ZAN: variants seen among roughly 807,000 people sequenced by gnomAD.
ZAN encodes the protein zonadhesin (gene/pseudogene).
In ZAN, 260 loss-of-function variants were observed where a neutral mutation model predicts 286.2. The observed-to-expected ratio is 0.91, with a 90% confidence interval of 0.82 to 1.01. ZAN has a LOEUF of 1.01. Among genes scored for constraint, ZAN ranks in the 50% least tolerant of loss-of-function variants. The pLI, the probability that ZAN is intolerant of heterozygous loss-of-function variation, is 0.00. For synonymous variants in ZAN, 1,368 were observed against 1,417.5 expected (o/e 0.97, Z 0.79); for missense variants, 3,410 against 3,639.2 (o/e 0.94, Z 1.62).
intron 35 of ZAN, among the ~76,000 whole-genome samples, chr7:100,780,940 A>C (rs573859951): frequency 6.6e-6 from 1 of 152,246 alleles, no homozygotes; most frequent in South Asian, 2.1e-4. Flanking sequence ...AAAAAAATTA[A>C]AAAAACAAAA....
chr7:100,757,813 G>A (rs62483595), intron 15 of ZAN, among the ~76,000 whole-genome samples: 34 of 148,666 alleles, frequency 2.3e-4, no homozygotes, highest in African/African-American at 7.2e-4. Context: ...AGTGGCTCAC[G>A]CCTGTAATAC....
rs755450631 is a variant in ZAN, at chr7:100,773,364, G to A, written c.5505G>A (p.Pro1835=). The change falls in exon 30 of 48, where the codon CCG becomes CCA. Residue 1835 remains proline (P), a synonymous_variant. Coordinates refer to ENST00000613979, the MANE Select transcript of ZAN (RefSeq NM_003386.3). The part of the protein sequence containing the change: ...CPDTCSSINN[P]RDCPKALPCA... The stretch of plus-strand genomic sequence containing the variant: ...ACACCTGCAGCAGCATAAACAACCC[G>A]AGGGACTGCCCCAAAGCACTGCCCT... 9 of 1,613,852 alleles carry A rather than the reference G, an allele frequency of 5.6e-6. No homozygotes were observed. The highest frequency in any genetic ancestry group is 2.2e-5 in the East Asian group (1 of 44,886).
chr7:100,774,917 GTTTTTTGTTTGTTTGT>G (rs1562945262), intron 31 of ZAN, among the ~76,000 whole-genome samples: 1 of 112,502 alleles, frequency 8.9e-6, no homozygotes, highest in Non-Finnish European at 1.9e-5. Flanking sequence ...TGGCCCTGGG[GTTTTTTGTTTGTTTGT>G]TTGTTTGTTT....
Position 100,739,528 on chromosome 7 carries a change from C to T in ZAN, c.766+915C>T, listed in dbSNP as rs150522801. 6.1e-3 allele frequency among the ~76,000 whole-genome samples: 836 copies of T among 136,346 alleles called. 148 individuals are homozygous for T. The highest frequency in any genetic ancestry group is 0.012 in the Non-Finnish European group (708 of 60,418). The allele number at this position is 136,346 out of a possible 152,430, so 89.4% of individuals were successfully genotyped here. On this transcript the variant is annotated intron_variant, in intron 7 of 47. Transcript: ENST00000613979. ...AAGTTTGGAGCCAAGTGCACTGGCTCACGCCTGTAATCCCAGCGCTTTGGG... is the reference window on the plus strand; with the variant it reads ...AAGTTTGGAGCCAAGTGCACTGGCTTACGCCTGTAATCCCAGCGCTTTGGG...
chr7:100,772,905 G>A (rs1810480368), intron 29 of ZAN, among the ~76,000 whole-genome samples: 1 of 134,344 alleles, frequency 7.4e-6, no homozygotes, highest in South Asian at 2.3e-4. Flanking sequence ...TGAGAGTCTC[G>A]CTGTCGCCCA....
In ZAN at chr7:100,751,741, T is replaced by C. The variant is rs750542267; in HGVS notation, c.1636T>C (p.Ser546Pro). The C allele has an allele frequency of 2.4e-5, 38 of 1,588,288 alleles. No homozygotes were observed. The highest frequency in any genetic ancestry group is 3.1e-5 in the Non-Finnish European group (36 of 1,172,994). The change falls in exon 14 of 48, where the codon TCT (serine) becomes CCT (proline). Residue 546 changes from serine (S) to proline (P), a missense_variant. Physicochemically the swap from Ser to Pro is moderately conservative, Grantham distance 74. Coordinates refer to ENST00000613979, the MANE Select transcript of ZAN (RefSeq NM_003386.3). ...VKVLPELPPV[S>P]PVSSTGPSET... ...AGTGCTACCAGAGCTTCCTCCCGTATCTCCAGTTTCTTCCACTGGCCCTTC... is the reference window on the plus strand; with the variant it reads ...AGTGCTACCAGAGCTTCCTCCCGTACCTCCAGTTTCTTCCACTGGCCCTTC...
At chr7:100,775,893 G>C in intron 33 of ZAN, 60 bp downstream of exon 33, 1 of 1,585,678 alleles carries the variant, frequency 6.3e-7, no homozygotes, top group Non-Finnish European at 8.6e-7. Context: ...TTGGTGGCCG[G>C]CAGGGATGGG....
chr7:100,776,809 T>C (rs1810848832), intron 34 of ZAN, among the ~76,000 whole-genome samples: 1 of 126,068 alleles, frequency 7.9e-6, no homozygotes, highest in Non-Finnish European at 1.6e-5. Context: ...CTCGGCTCAC[T>C]GCAAGCTCTG....
At position 100,768,717 on chromosome 7, in the gene ZAN, C is replaced by A; in HGVS notation, c.5149C>A (p.Pro1717Thr). Reference protein sequence around the residue: ...AAWKLPESSEPGCFLVGGKPS... With the variant: ...AAWKLPESSETGCFLVGGKPS... Reference sequence around the variant, plus strand: ...CTGGAAGTTACCTGAATCCTCTGAACCTGGGTGAGCTGGGGGTCAGGGGAG... The same window carrying A: ...CTGGAAGTTACCTGAATCCTCTGAAACTGGGTGAGCTGGGGGTCAGGGGAG... Residue 1717 changes from proline to threonine, a missense_variant, in exon 27 of 48, where the codon CCT (proline) becomes ACT (threonine). Coordinates refer to ENST00000613979, the MANE Select transcript of ZAN (RefSeq NM_003386.3). 1 of 1,594,602 alleles carries A rather than the reference C, an allele frequency of 6.3e-7. No individual in the cohort carries two copies. Among genetic ancestry groups the A allele is most frequent in the Non-Finnish European group, 8.5e-7 (1 of 1,170,528 alleles).
At chr7:100,788,223 C>T in intron 38 of ZAN, 87 bp downstream of exon 38, 1 of 1,405,126 alleles carries the variant, frequency 7.1e-7, no homozygotes, top group Non-Finnish European at 9.3e-7. Context: ...ATCCCTGTTC[C>T]CTGGGATGTT....
intron 45 of ZAN, among the ~76,000 whole-genome samples, chr7:100,795,639 G>A (rs1431056992): frequency 6.6e-6 from 1 of 151,816 alleles, no homozygotes; most frequent in East Asian, 1.9e-4. Context: ...GGGAATGGTG[G>A]CTCACGCCTG....
rs535881106 is a variant in ZAN at position 100,759,778 on chromosome 7, G to A, written c.3629G>A (p.Cys1210Tyr). Residue 1210 changes from cysteine to tyrosine, a missense_variant, in exon 18 of 48, where the codon TGC becomes TAC. Coordinates refer to ENST00000613979, the MANE Select transcript of ZAN (RefSeq NM_003386.3). ...GAGCAGGGACAGGAAGGCGTGTCCT[G>A]CCTGAGCAAAGTCTACGTGACCCTG... ...NEEQGQEGVSCLSKVYVTLPE... is the reference protein window; with the variant it reads ...NEEQGQEGVSYLSKVYVTLPE... 2 of 1,604,920 alleles carry A rather than the reference G, an allele frequency of 1.2e-6. No individual in the cohort carries two copies. Among genetic ancestry groups the A allele is most frequent in the South Asian group, 1.1e-5 (1 of 88,770 alleles).
intron 28 of ZAN, 55 bp from the exon 29 acceptor site, chr7:100,771,789 G>T: frequency 6.4e-7 from 1 of 1,561,622 alleles, no homozygotes; most frequent in South Asian, 1.2e-5. Context: ...AAGCCACATG[G>T]CCCTGTTCCT....
chr7:100,754,159 T>C (rs1464829220), intron 14 of ZAN, among the ~76,000 whole-genome samples: 1 of 152,036 alleles, frequency 6.6e-6, no homozygotes, highest in Non-Finnish European at 1.5e-5. Context: ...ACTTCATTCC[T>C]TTAAAAAAAG....
intron 27 of ZAN, among the ~76,000 whole-genome samples, chr7:100,769,076 T>C (rs1424830571): frequency 1.4e-5 from 2 of 147,716 alleles, no homozygotes; most frequent in Non-Finnish European, 3.0e-5. Context: ...TCTCTTTCCC[T>C]GTCCACTTTT....
Position 100,762,341 on chromosome 7 carries a change from C to G in ZAN, c.3969C>G (p.Asp1323Glu). 1.2e-6 allele frequency: 2 copies of G among 1,612,600 alleles called. No homozygotes were observed. Among genetic ancestry groups the G allele is most frequent in the Non-Finnish European group, 1.7e-6 (2 of 1,179,380 alleles). The change falls in exon 20 of 48, where the codon GAC becomes GAG. Residue 1323 changes from aspartate (D) to glutamate (E), a missense_variant. By Grantham distance (45) the Asp-to-Glu change is conservative. Coordinates refer to ENST00000613979, the MANE Select transcript of ZAN (RefSeq NM_003386.3). ...AGCTGGGGAACAGCTGGCAGACGGA[C>G]CAGGACGAGGACCAGGAGTGAGCAA... ...KEELGNSWQTDQDEDQECQKY... is the reference protein window; with the variant it reads ...KEELGNSWQTEQDEDQECQKY...
Position 100,763,939 on chromosome 7 carries a change from T to A in ZAN, c.4097+23T>A. ...TGAGTATGAAGGAGGGCAGGCAGGG[T>A]CGCACAGGGGCGATGCTTGGCACCT... On this transcript the variant is annotated intron_variant, in intron 21 of 47. Transcript: ENST00000613979. The surrounding 1 kb of genome is among the most constrained non-coding windows in gnomAD (Gnocchi z 4.6). 2 of 1,608,826 alleles carry A rather than the reference T, an allele frequency of 1.2e-6. No individual in the cohort carries two copies. The highest frequency in any genetic ancestry group is 1.7e-6 in the Non-Finnish European group (2 of 1,178,114).
intron 7 of ZAN, among the ~76,000 whole-genome samples, chr7:100,743,322 G>A (rs1247439193): frequency 3.3e-5 from 5 of 151,990 alleles, no homozygotes; most frequent in Non-Finnish European, 7.4e-5. Context: ...ATGCCTGGCT[G>A]ATATTCTTTC....
intron 11 of ZAN, among the ~76,000 whole-genome samples, chr7:100,749,651 A>AAAATAT (rs1360254873): frequency 1.8e-5 from 2 of 109,420 alleles, no homozygotes; most frequent in African/African-American, 7.2e-5. Flanking sequence ...AAAAAAAAAA[A>AAAATAT]ATATATATAT....
Sources: allele counts gnomAD v4.1 joint callset (sites outside exome capture counted in the v4.1 genomes callset), GRCh38; gene constraint gnomAD v4.1.1; non-coding constraint Gnocchi (gnomAD v3.1); transcripts MANE v1.5; gene names NCBI Gene and HGNC (gene_info 2026-07-23, HGNC 2026-07-21).